Variants in RASL10B observed in about 807,000 individuals in gnomAD.
RASL10B encodes ras-like protein family member 10B.
Under a neutral mutation model 20.7 loss-of-function variants are expected in RASL10B, and 10 were observed. The ratio of observed to expected loss-of-function variants is 0.48; its 90% CI spans 0.30 to 0.82. RASL10B has a LOEUF of 0.82. RASL10B is among the 40% of genes least tolerant of loss of function. The pLI is 0.07. For missense variants in RASL10B, 231 were observed against 295.4 expected (o/e 0.78, Z 1.60); for synonymous variants, 110 against 123.3 (o/e 0.89, Z 0.72).
At chr17:35,740,638 G>A in intron 3 of RASL10B, 105 bp downstream of exon 3, 4 of 1,353,450 alleles carry the variant, frequency 3.0e-6, no homozygotes, top group Non-Finnish European at 4.1e-6. Flanking sequence ...AGGTATATGT[G>A]TTCTAAGATT....
chr17:35,741,738 A>G lies in RASL10B; in HGVS notation c.*433A>G, dbSNP rs915042124. The G allele has an allele frequency of 1.8e-5, 3 of 168,446 alleles. No homozygotes were observed. The highest frequency in any genetic ancestry group is 3.8e-5 in the Non-Finnish European group (3 of 79,654). The allele number at this position is 168,446 out of a possible 1,614,324, so 10.4% of individuals were successfully genotyped here. On this transcript the variant is annotated 3_prime_UTR_variant, in exon 4 of 4. Transcript: ENST00000603017. ...GCGTCTGTTGGTACTTACCTGTCTCACCTACCCTCCAGTCCCCTCCCAGCT... is the reference window on the plus strand; with the variant it reads ...GCGTCTGTTGGTACTTACCTGTCTCGCCTACCCTCCAGTCCCCTCCCAGCT...
chr17:35,734,285 C>T (rs1330314000), intron 1 of RASL10B, among the ~76,000 whole-genome samples: 21 of 152,172 alleles, frequency 1.4e-4, no homozygotes, highest in African/African-American at 5.1e-4. Flanking sequence ...AGAAGTACTG[C>T]GACATCGTAG....
At chr17:35,740,959 A>G in intron 3 of RASL10B, 76 bp from the exon 4 acceptor site, 1 of 1,302,326 alleles carries the variant, frequency 7.7e-7, no homozygotes. Context: ...AGTATTGGCC[A>G]GGCACAGCCT....
chr17:35,738,043 A>G (rs2085605389), intron 2 of RASL10B, among the ~76,000 whole-genome samples: 1 of 152,104 alleles, frequency 6.6e-6, no homozygotes, highest in African/African-American at 2.4e-5. Context: ...TTGCCATCAG[A>G]GTATATTGTC....
Position 35,735,387 on chromosome 17 carries a change from T to A in RASL10B, c.203T>A (p.Val68Asp). Residue 68 changes from valine to aspartate, a missense_variant, in exon 2 of 4, where the codon GTC becomes GAC. Val to Asp is a radical substitution (Grantham distance 152, BLOSUM62 -3). Transcript: ENST00000603017. The surrounding 1 kb of genome is among the most constrained non-coding windows in gnomAD (Gnocchi z 6.7). ...TTTCCACCCATCAGCGCCTTCCCTG[T>A]CAATACGCTCCAGGTAGGAGGACCC... ...LDFPPISAFP[V>D]NTLQEWADTC... is the part of the protein sequence containing the mutation. The A allele has an allele frequency of 6.2e-7, 1 of 1,614,144 alleles. No individual in the cohort carries two copies. The highest frequency in any genetic ancestry group is 8.5e-7 in the Non-Finnish European group (1 of 1,180,024).
chr17:35,738,193 CTATTGATG>C (rs1390064347), intron 2 of RASL10B, among the ~76,000 whole-genome samples: 56 of 152,200 alleles, frequency 3.7e-4, no homozygotes, highest in African/African-American at 1.2e-3. Context: ...TTTTCAAGAA[CTATTGATG>C]TCCTTTGCCC....
At chr17:35,737,900 CAAAAA>C (rs11351393) in intron 2 of RASL10B, among the ~76,000 whole-genome samples, 1 of 97,722 alleles carries the variant, frequency 1.0e-5, no homozygotes. Context: ...GGCCCTGTCT[CAAAAA>C]AAAAAAAAAA....
intron 2 of RASL10B, among the ~76,000 whole-genome samples, chr17:35,737,296 TGTGCTTGGCGCTG>T (rs2085599077): frequency 6.6e-6 from 1 of 152,196 alleles, no homozygotes; most frequent in Admixed American, 6.5e-5. Flanking sequence ...TGTGAGCCAC[TGTGCTTGGCGCTG>T]TACCTCAATT....
rs1321104302 is a variant in RASL10B at position 35,743,290 on chromosome 17, G to C, written c.*1985G>C. ...GGGGGCGGAGCCCAGGCCTCTGGCT[G>C]CTCCCCTGTGGGAGCCATTGGAATG... On this transcript the variant is annotated 3_prime_UTR_variant, in exon 4 of 4. Coordinates refer to ENST00000603017, the MANE Select transcript of RASL10B (RefSeq NM_033315.4). 1 of 152,832 alleles carries C rather than the reference G, an allele frequency of 6.5e-6. No individual in the cohort carries two copies. Among genetic ancestry groups the C allele is most frequent in the Admixed American group, 6.5e-5 (1 of 15,290 alleles). 9.5% of individuals were successfully genotyped at this position (152,832 alleles called of 1,614,324 possible). A position where few individuals can be genotyped will look rare whatever the true frequency, so the allele number is the denominator to read the frequency against.
At chr17:35,732,593 G>T (rs1308705618) in intron 1 of RASL10B, among the ~76,000 whole-genome samples, 1 of 152,208 alleles carries the variant, frequency 6.6e-6, no homozygotes, top group Non-Finnish European at 1.5e-5. Context: ...GTTCCAGGAG[G>T]CTGGCCCCAG....
At chr17:35,734,415 C>T (rs2085577151) in intron 1 of RASL10B, among the ~76,000 whole-genome samples, 1 of 152,154 alleles carries the variant, frequency 6.6e-6, no homozygotes, top group Non-Finnish European at 1.5e-5. Flanking sequence ...CAAGGATAAC[C>T]ATATGGGCAT....
chr17:35,741,318 C>A lies in RASL10B; in HGVS notation c.*13C>A. Reference sequence around the variant, plus strand: ...CGCCATCATGTGACGCCTGCGCGCCCCTCGGGCTGCACCGGCACTGGCCGA... The same window carrying A: ...CGCCATCATGTGACGCCTGCGCGCCACTCGGGCTGCACCGGCACTGGCCGA... On this transcript the variant is annotated 3_prime_UTR_variant, in exon 4 of 4. Transcript: ENST00000603017. The A allele has an allele frequency of 6.9e-7, 1 of 1,456,116 alleles. No homozygotes were observed. Among genetic ancestry groups the A allele is most frequent in the Non-Finnish European group, 9.1e-7 (1 of 1,103,120 alleles). The allele number at this position is 1,456,116 out of a possible 1,614,324, so 90.2% of individuals were successfully genotyped here.
At position 35,743,405 on chromosome 17, in the gene RASL10B, T is replaced by A. The variant is rs1555598320; in HGVS notation, c.*2100T>A. The A allele has an allele frequency of 6.5e-6, 1 of 152,838 alleles. No homozygotes were observed. The highest frequency in any genetic ancestry group is 1.5e-5 in the Non-Finnish European group (1 of 68,180). 9.5% of individuals were successfully genotyped at this position (152,838 alleles called of 1,614,324 possible). On this transcript the variant is annotated 3_prime_UTR_variant, in exon 4 of 4. Transcript: ENST00000603017. ...CCCCCATTCTGAGTCTCTGTCCTTC[T>A]CCTTCCACCCGCTCCCAGGGTTTCC...
intron 2 of RASL10B, 54 bp from the exon 3 acceptor site, chr17:35,740,355 C>T: frequency 6.3e-7 from 1 of 1,591,978 alleles, no homozygotes; most frequent in Non-Finnish European, 8.6e-7. Context: ...TGTTTGGGGG[C>T]TAGGGGAGCC....
rs1478272150 is a variant in RASL10B at position 35,741,329 on chromosome 17, AC to A, written c.*26del. On this transcript the variant is annotated 3_prime_UTR_variant, in exon 4 of 4. Transcript: ENST00000603017. ...GACGCCTGCGCGCCCCTCGGGCTGC[AC>A]CGGCACTGGCCGAGCGGAGGGCGGG... The A allele has an allele frequency of 1.4e-6, 2 of 1,427,646 alleles. No individual in the cohort carries two copies. Among genetic ancestry groups the A allele is most frequent in the Non-Finnish European group, 1.8e-6 (2 of 1,092,866 alleles). The allele number at this position is 1,427,646 out of a possible 1,614,324, so 88.4% of individuals were successfully genotyped here.
chr17:35,741,137 C>G lies in RASL10B; in HGVS notation c.444C>G (p.Arg148=). 1.2e-6 allele frequency: 2 copies of G among 1,613,594 alleles called. No homozygotes were observed. The highest frequency in any genetic ancestry group is 1.7e-6 in the Non-Finnish European group (2 of 1,180,036). The change falls in exon 4 of 4, where the codon CGC becomes CGG. Residue 148 remains arginine, a synonymous_variant. Transcript: ENST00000603017. ...IPRWNVSHLV[R]KTWKCGYVEC... is the part of the protein sequence containing the mutation. The stretch of plus-strand genomic sequence containing the variant: ...GCTGGAACGTGTCGCACCTGGTACG[C>G]AAGACCTGGAAGTGCGGCTACGTGG...
rs1053433312 is a variant in RASL10B at position 35,741,233 on chromosome 17, C to G, written c.540C>G (p.Ala180=). Reference sequence around the variant, plus strand: ...AGCTGCTCAAGAGCGTCGGCTGCGCCCGTTGCAAGCACGTGCACGCTGCCC... The same window carrying G: ...AGCTGCTCAAGAGCGTCGGCTGCGCGCGTTGCAAGCACGTGCACGCTGCCC... ...FSELLKSVGC[A]RCKHVHAALR... is the part of the protein sequence containing the mutation. Residue 180 remains alanine, a synonymous_variant, in exon 4 of 4, where the codon GCC becomes GCG. Coordinates refer to ENST00000603017, the MANE Select transcript of RASL10B (RefSeq NM_033315.4). The G allele has an allele frequency of 9.3e-6, 15 of 1,606,242 alleles. No homozygotes were observed. The East Asian group carries it at 2.3e-4, about 24-fold the overall frequency.
chr17:35,741,119 C>T lies in RASL10B; in HGVS notation c.426C>T (p.Asn142=). Residue 142 remains asparagine (N), a synonymous_variant, in exon 4 of 4, where the codon AAC becomes AAT. Coordinates refer to ENST00000603017, the MANE Select transcript of RASL10B (RefSeq NM_033315.4). ...LQRGRVIPRW[N]VSHLVRKTWK... ...GCGGACGCGTGATCCCGCGCTGGAA[C>T]GTGTCGCACCTGGTACGCAAGACCT... is the stretch of plus-strand genomic sequence containing the variant. 1.2e-6 allele frequency: 2 copies of T among 1,613,600 alleles called. No individual in the cohort carries two copies. Among genetic ancestry groups the T allele is most frequent in the Non-Finnish European group, 1.7e-6 (2 of 1,180,010 alleles).
intron 1 of RASL10B, 63 bp downstream of exon 1, chr17:35,731,941 G>T (rs2085560293): frequency 6.6e-6 from 1 of 151,104 alleles, no homozygotes; most frequent in Non-Finnish European, 1.5e-5. Flanking sequence ...GGGCTCGGGG[G>T]GTCGGGCCGG....
Sources: allele counts gnomAD v4.1 joint callset (sites outside exome capture counted in the v4.1 genomes callset), GRCh38; gene constraint gnomAD v4.1.1; non-coding constraint Gnocchi (gnomAD v3.1); transcripts MANE v1.5; gene names NCBI Gene and HGNC (gene_info 2026-07-23, HGNC 2026-07-21).